Variants in COL5A2 observed in about 807,000 individuals in gnomAD.
COL5A2 encodes collagen type V alpha 2 chain.
Under a neutral mutation model 208.2 loss-of-function variants are expected in COL5A2, and 23 were observed. The observed-to-expected ratio is 0.11, with a 90% CI of 0.08 to 0.16. The LOEUF is 0.16. Ranked by LOEUF, COL5A2 falls within the 10% of genes least tolerant of loss-of-function variation. The pLI, the probability that COL5A2 is intolerant of heterozygous loss-of-function variation, is 1.00. For missense variants in COL5A2, 1,590 were observed against 1,956.4 expected (o/e 0.81, Z 3.53); for synonymous variants, 625 against 628.5 (o/e 0.99, Z 0.08).
chr2:189,079,211 TGAAAG>T, intron 14 of COL5A2, 104 bp from the exon 15 acceptor site: 1 of 899,962 alleles, frequency 1.1e-6, no homozygotes, highest in Non-Finnish European at 1.8e-6. Flanking sequence ...AGAGGACATA[TGAAAG>T]ATGTACTTTT....
intron 52 of COL5A2, 91 bp downstream of exon 52, chr2:189,036,525 T>TA (rs142224900): frequency 1.8e-6 from 2 of 1,086,904 alleles, no homozygotes; most frequent in Non-Finnish European, 2.7e-6. Flanking sequence ...AAGCCTGGTT[T>TA]AAAAAAATAG....
At chr2:189,062,130 A>G (rs1346180253) in intron 29 of COL5A2, among the ~76,000 whole-genome samples, 2 of 152,108 alleles carry the variant, frequency 1.3e-5, no homozygotes, top group African/African-American at 4.8e-5. Context: ...AAATGAAAAT[A>G]GACCTCAAAG....
At chr2:189,041,466 T>C in intron 50 of COL5A2, 120 bp downstream of exon 50, 1 of 800,910 alleles carries the variant, frequency 1.2e-6, no homozygotes. Context: ...GTGTGACTTC[T>C]ACGTTTGTTT....
the COL5A2 span, among the ~76,000 whole-genome samples, chr2:189,297,245 G>A: frequency 1.3e-5 from 2 of 152,106 alleles, no homozygotes; most frequent in South Asian, 4.1e-4. Context: ...AAACCAGACT[G>A]CACCTCTGAA....
At chr2:189,180,723 G>A (rs1688767748), upstream of COL5A2, among the ~76,000 whole-genome samples, 1 of 152,174 alleles carries the variant, frequency 6.6e-6, no homozygotes, top group African/African-American at 2.4e-5. Context: ...AAAAGCAGAT[G>A]GTGGTATTAT....
intron 1 of COL5A2, among the ~76,000 whole-genome samples, chr2:189,186,299 C>T (rs886438258): frequency 6.6e-6 from 1 of 152,004 alleles, no homozygotes; most frequent in African/African-American, 2.4e-5. Context: ...ATCAAGCCAA[C>T]AAACCATAAT....
chr2:189,276,974 C>T, the COL5A2 span, among the ~76,000 whole-genome samples: 23 of 152,102 alleles, frequency 1.5e-4, no homozygotes, highest in Non-Finnish European at 2.4e-4. Context: ...ATGCTCATCA[C>T]TGTAGCCTAA....
At chr2:189,168,749 C>T (rs529331414) in intron 1 of COL5A2, among the ~76,000 whole-genome samples, 2 of 152,234 alleles carry the variant, frequency 1.3e-5, no homozygotes, top group East Asian at 3.9e-4. Context: ...GACCACAGAA[C>T]AACCATATTG....
chr2:189,432,587 C>T, the COL5A2 span, among the ~76,000 whole-genome samples: 1 of 152,068 alleles, frequency 6.6e-6, no homozygotes, highest in African/African-American at 2.4e-5. Context: ...ACAAAAATGG[C>T]CATTACATAA....
At chr2:189,170,835 G>A (rs932843824) in intron 1 of COL5A2, among the ~76,000 whole-genome samples, 1 of 151,998 alleles carries the variant, frequency 6.6e-6, no homozygotes, top group Admixed American at 6.6e-5. Context: ...AATTGTTAAT[G>A]TTAATAAATT....
At chr2:189,414,889 T>C in the COL5A2 span, among the ~76,000 whole-genome samples, 1 of 151,832 alleles carries the variant, frequency 6.6e-6, no homozygotes, top group East Asian at 1.9e-4. Context: ...TGTGGATACA[T>C]AAAATTCATA....
the COL5A2 span, among the ~76,000 whole-genome samples, chr2:189,236,751 T>C: frequency 2.6e-5 from 4 of 151,998 alleles, no homozygotes; most frequent in African/African-American, 9.6e-5. Context: ...TCTTTAAGTA[T>C]TATGGATATG....
chr2:189,361,525 C>T, the COL5A2 span, among the ~76,000 whole-genome samples: 1 of 132,270 alleles, frequency 7.6e-6, no homozygotes, highest in African/African-American at 2.7e-5. Context: ...ATCTTGTAGA[C>T]AGCATGTAGT....
chr2:189,413,827 T>C, the COL5A2 span, among the ~76,000 whole-genome samples: 1 of 139,570 alleles, frequency 7.2e-6, no homozygotes, highest in Non-Finnish European at 1.5e-5. Flanking sequence ...AGTCTCGCTC[T>C]GTCACCCAGG....
chr2:189,098,277 A>G (rs1308807086), intron 5 of COL5A2, among the ~76,000 whole-genome samples: 1 of 152,242 alleles, frequency 6.6e-6, no homozygotes, highest in African/African-American at 2.4e-5. Context: ...CTGATAATCC[A>G]AACTTGAAAA....
At chr2:189,297,818 C>G in the COL5A2 span, among the ~76,000 whole-genome samples, 85,911 of 152,030 alleles carry the variant, frequency 0.57, 26,137 homozygotes, top group East Asian at 0.72. Flanking sequence ...AAGACATTTT[C>G]TCAAAAATGA....
At chr2:189,053,685 ATTAG>A (rs773322183) in intron 37 of COL5A2, among the ~76,000 whole-genome samples, 7 of 152,224 alleles carry the variant, frequency 4.6e-5, no homozygotes, top group Non-Finnish European at 1.0e-4. Context: ...GAGCCTCCAA[ATTAG>A]TTAGTAAACA....
At chr2:189,163,594 C>A (rs543627708) in intron 1 of COL5A2, among the ~76,000 whole-genome samples, 1 of 152,262 alleles carries the variant, frequency 6.6e-6, no homozygotes, top group Non-Finnish European at 1.5e-5. Context: ...AGGGACATAA[C>A]TACAAATCTG....
chr2:189,252,571 T>A, the COL5A2 span, among the ~76,000 whole-genome samples: 2 of 151,624 alleles, frequency 1.3e-5, no homozygotes, highest in Non-Finnish European at 2.9e-5. Flanking sequence ...GTGAGAACAC[T>A]TGGACACAGG....
Sources: gnomAD v4.1 joint callset for allele counts (sites outside exome capture counted in the v4.1 genomes callset) on GRCh38, gnomAD v4.1.1 for gene constraint, MANE v1.5 for transcripts, NCBI Gene and HGNC (gene_info 2026-07-23, HGNC 2026-07-21) for gene names.